TTC28: variants seen among roughly 807,000 people sequenced by gnomAD.
TTC28 encodes tetratricopeptide repeat domain 28, also known as tetratricopeptide repeat protein 28.
TTC28 carries 61 observed loss-of-function variants against 198.0 expected under a neutral mutation model. That is an observed-to-expected ratio of 0.31 (90% CI 0.25 to 0.38). The LOEUF is 0.38. Ranked by LOEUF, TTC28 falls within the 10% of genes least tolerant of loss-of-function variation. TTC28 has a pLI of 1.00. For synonymous variants in TTC28, 1,171 were observed against 1,297.8 expected, an observed-to-expected ratio of 0.90 and a Z score of 2.10; for missense variants, 2,678 against 3,164.0, an observed-to-expected ratio of 0.85 and a Z score of 3.69.
chr22:28,069,188 C>T (rs16985933), intron 12 of TTC28, among the ~76,000 whole-genome samples: 2,988 of 152,236 alleles, frequency 0.02, 31 homozygotes, highest in Non-Finnish European at 0.026. Context: ...ATTTCAGAGC[C>T]CCAGGAGGCA....
At chr22:28,175,372 G>C (rs1325261647) in intron 5 of TTC28, among the ~76,000 whole-genome samples, 1 of 152,068 alleles carries the variant, frequency 6.6e-6, no homozygotes, top group African/African-American at 2.4e-5. Flanking sequence ...CCTGATAAGG[G>C]GTTAATATCC....
At chr22:28,060,011 T>A (rs1940453748) in intron 12 of TTC28, among the ~76,000 whole-genome samples, 1 of 151,868 alleles carries the variant, frequency 6.6e-6, no homozygotes. Context: ...ACTATTTAGT[T>A]CCTTAATATT....
rs115101999 is a variant in TTC28, at chr22:28,586,937, T to A, written c.381+42615A>T. Among the ~76,000 whole-genome samples, 876 of 152,274 alleles carry A rather than the reference T, an allele frequency of 5.8e-3. 6 individuals are homozygous for A. Among genetic ancestry groups the A allele is most frequent in the African/African-American group, 0.02 (842 of 41,554 alleles). ...AAACTAAATGTGATTAATAATTTTA[T>A]AACTGGCAGGGTGGTAGCTCACGTG... On this transcript the variant is annotated intron_variant, in intron 2 of 22. Transcript: ENST00000397906.
intron 2 of TTC28, among the ~76,000 whole-genome samples, chr22:28,417,435 A>C (rs2047184810): frequency 6.6e-6 from 1 of 151,804 alleles, no homozygotes. Context: ...TGACCATATC[A>C]CTGCACTCCA....
chr22:28,303,042 T>C (rs925976407), intron 3 of TTC28, among the ~76,000 whole-genome samples: 2 of 152,210 alleles, frequency 1.3e-5, no homozygotes, highest in East Asian at 1.9e-4. Context: ...CAGGAGCTGG[T>C]GGAAACAACA....
intron 6 of TTC28, among the ~76,000 whole-genome samples, chr22:28,152,735 G>T (rs773020961): frequency 1.3e-5 from 2 of 152,210 alleles, no homozygotes; most frequent in African/African-American, 4.8e-5. Flanking sequence ...CATCTGGTTA[G>T]TGTACTGACT....
chr22:28,460,371 T>A (rs1035604346), intron 2 of TTC28, among the ~76,000 whole-genome samples: 1 of 152,102 alleles, frequency 6.6e-6, no homozygotes, highest in Non-Finnish European at 1.5e-5. Context: ...AAATTAAAAG[T>A]CGTTCTTCCC....
Position 28,106,855 on chromosome 22 carries a change from A to G in TTC28, c.2783+207T>C, listed in dbSNP as rs1032118386. Among the ~76,000 whole-genome samples, 6 of 152,258 alleles carry G rather than the reference A, an allele frequency of 3.9e-5. No individual in the cohort carries two copies. In the East Asian group the frequency reaches 5.8e-4, roughly 15 times the overall value. ...CTGCATAATCTTAGGCATTAACTCA[A>G]TTTCTCTGGGCTTTAGTTTCTTCAT... On this transcript the variant is annotated intron_variant, in intron 7 of 22. Coordinates refer to ENST00000397906, the MANE Select transcript of TTC28 (RefSeq NM_001145418.2).
At position 28,018,313 on chromosome 22, in the gene TTC28, G is replaced by A. The variant is rs1038601914; in HGVS notation, c.4074-3921C>T. Among the ~76,000 whole-genome samples the A allele has an allele frequency of 1.0e-3, 149 of 148,568 alleles. 3 individuals are homozygous for A. Among genetic ancestry groups the A allele is most frequent in the African/African-American group, 3.5e-3 (142 of 40,840 alleles). ...CGCGCGTGTGTGCGCGCGCGGGGGG[G>A]GGGGCGGGGAACCTGTCCCTAGAGA... On this transcript the variant is annotated intron_variant, in intron 13 of 22. Transcript: ENST00000397906.
intron 2 of TTC28, among the ~76,000 whole-genome samples, chr22:28,533,402 T>TA (rs1324371549): frequency 2.0e-5 from 3 of 151,954 alleles, no homozygotes; most frequent in African/African-American, 7.3e-5. Context: ...CTCAATGAAA[T>TA]AAAAGAGGAC....
intron 5 of TTC28, among the ~76,000 whole-genome samples, chr22:28,286,978 T>C (rs2044697681): frequency 6.6e-6 from 1 of 152,154 alleles, no homozygotes; most frequent in African/African-American, 2.4e-5. Flanking sequence ...CCAGTCAAAA[T>C]TCCAGCAAGA....
At chr22:28,171,843 C>A (rs1224616684) in intron 5 of TTC28, among the ~76,000 whole-genome samples, 1 of 152,118 alleles carries the variant, frequency 6.6e-6, no homozygotes, top group Non-Finnish European at 1.5e-5. Flanking sequence ...CAACAAAGAG[C>A]ATGTCACTTG....
At chr22:28,041,311 C>A (rs1939630452) in intron 12 of TTC28, among the ~76,000 whole-genome samples, 1 of 152,188 alleles carries the variant, frequency 6.6e-6, no homozygotes, top group Admixed American at 6.5e-5. Context: ...CTGGAGGCAT[C>A]AAGCTACCTG....
rs77512529 is a variant in TTC28, at chr22:28,079,988, C to T, written c.3932+14092G>A. On this transcript the variant is annotated intron_variant, in intron 12 of 22. Coordinates refer to ENST00000397906, the MANE Select transcript of TTC28 (RefSeq NM_001145418.2). ...AAGCGATCCTCCTGCCTCAGCCTCTCGAAGTGCTGAGATTATAGGCATGAG... is the reference window on the plus strand; with the variant it reads ...AAGCGATCCTCCTGCCTCAGCCTCTTGAAGTGCTGAGATTATAGGCATGAG... Among the ~76,000 whole-genome samples the T allele has an allele frequency of 8.3e-3, 1,261 of 152,298 alleles. 20 individuals carry two copies. Among genetic ancestry groups the T allele is most frequent in the African/African-American group, 0.029 (1,198 of 41,546 alleles).
chr22:28,000,111 G>A (rs1266719588), intron 15 of TTC28: 2 of 152,130 alleles, frequency 1.3e-5, no homozygotes, highest in East Asian at 3.9e-4. Context: ...TGGGCCGCTG[G>A]GTGGCAGGAG....
At chr22:27,989,255 C>G (rs1335102373) in intron 21 of TTC28, among the ~76,000 whole-genome samples, 3 of 152,224 alleles carry the variant, frequency 2.0e-5, no homozygotes, top group African/African-American at 7.2e-5. Flanking sequence ...TACCCATGGT[C>G]TCTCAGAGGT....
At chr22:28,332,015 G>A (rs139267022) in intron 2 of TTC28, among the ~76,000 whole-genome samples, 1 of 152,096 alleles carries the variant, frequency 6.6e-6, no homozygotes, top group African/African-American at 2.4e-5. Context: ...CAAGCTGTTT[G>A]AAAGGAATGT....
intron 1 of TTC28, among the ~76,000 whole-genome samples, chr22:28,652,090 T>C (rs10439931): frequency 0.19 from 28,314 of 152,140 alleles, 3,043 homozygotes; most frequent in African/African-American, 0.29. Context: ...TCCGCCCACA[T>C]TGGCCTCCCA....
rs1003845682 is a variant in TTC28 at position 28,254,468 on chromosome 22, T to C, written c.933+41730A>G. Among the ~76,000 whole-genome samples, 7 of 150,028 alleles carry C rather than the reference T, an allele frequency of 4.7e-5. No individual in the cohort carries two copies. The East Asian group carries it at 7.9e-4, about 17-fold the overall frequency. ...GAAGAAGAGCACTTCAAAAGAAGTGTTTATTCAGGAATACTTAATGGTGCA... is the reference window on the plus strand; with the variant it reads ...GAAGAAGAGCACTTCAAAAGAAGTGCTTATTCAGGAATACTTAATGGTGCA... On this transcript the variant is annotated intron_variant, in intron 5 of 22. Transcript: ENST00000397906.
Sources: allele counts gnomAD v4.1 joint callset (sites outside exome capture counted in the v4.1 genomes callset), GRCh38; gene constraint gnomAD v4.1.1; transcripts MANE v1.5; gene names NCBI Gene and HGNC (gene_info 2026-07-23, HGNC 2026-07-21).